Variants in LRIT3 observed in about 807,000 individuals in gnomAD.
LRIT3 encodes leucine rich repeat, Ig-like and transmembrane domains 3.
In LRIT3, 14 loss-of-function variants were observed where a neutral mutation model predicts 22.6. The observed-to-expected ratio is 0.62, with a 90% CI of 0.41 to 0.97. The LOEUF (loss-of-function observed/expected upper bound fraction) is 0.97. LRIT3 is among the 50% of genes least tolerant of loss of function. The probability of loss-of-function intolerance (pLI) is 0.00; values close to 1 mark genes in which losing one functional copy is unlikely to be tolerated. For synonymous variants in LRIT3, 306 were observed against 304.5 expected, an observed-to-expected ratio of 1.01 and a Z score of -0.05; for missense variants, 783 against 803.0, an observed-to-expected ratio of 0.98 and a Z score of 0.30.
At chr4:109,869,552 C>T (rs1579382555) in intron 3 of LRIT3, 93 bp from the exon 4 acceptor site, 2 of 1,197,972 alleles carry the variant, frequency 1.7e-6, no homozygotes, top group East Asian at 4.7e-5. Flanking sequence ...TGAGAGGATG[C>T]ATGTAGAGTG....
At chr4:109,855,914 T>A (rs1052220856) in intron 2 of LRIT3, among the ~76,000 whole-genome samples, 17 of 151,908 alleles carry the variant, frequency 1.1e-4, no homozygotes, top group Non-Finnish European at 2.4e-4. Flanking sequence ...ACAGTTTGTA[T>A]GCCTTCACCC....
In LRIT3 at chr4:109,870,109, G is replaced by C. The variant is rs1734790124; in HGVS notation, c.1360G>C (p.Val454Leu). Residue 454 changes from valine (V) to leucine (L), a missense_variant, in exon 4 of 4, where the codon GTG becomes CTG. Val to Leu is a conservative substitution (Grantham distance 32, BLOSUM62 1). Transcript: ENST00000594814. ...CCAAGGTGGGAAAAGAAATTTAAAG[G>C]TGGCAAAGAATGGAAGTAAGCTTCC... is the stretch of plus-strand genomic sequence containing the variant. ...LHQGGKRNLKVAKNGSKLPPA... is the reference protein window; with the variant it reads ...LHQGGKRNLKLAKNGSKLPPA... The C allele has an allele frequency of 6.2e-7, 1 of 1,614,054 alleles. No individual in the cohort carries two copies. The highest frequency in any genetic ancestry group is 1.3e-5 in the African/African-American group (1 of 74,916).
intron 2 of LRIT3, among the ~76,000 whole-genome samples, chr4:109,853,195 A>G (rs1734315249): frequency 6.6e-6 from 1 of 152,140 alleles, no homozygotes; most frequent in African/African-American, 2.4e-5. Context: ...TTATACTCCC[A>G]CCAACAGTGT....
rs1156756509 is a variant in LRIT3 at position 109,851,977 on chromosome 4, G to C, written c.589+1G>C. The C allele has an allele frequency of 6.5e-7, 1 of 1,535,936 alleles. No individual in the cohort carries two copies. Among genetic ancestry groups the C allele is most frequent in the South Asian group, 1.2e-5 (1 of 81,414 alleles). On this transcript the variant is annotated splice_donor_variant, in intron 2 of 3. Transcript: ENST00000594814. LOFTEE classifies it high-confidence loss of function. Reference sequence around the variant, plus strand: ...CTTTCCCCAAGCAGGATTATTCTTGGTAAGCTCGCAAGCCTCTGGGCTTTT... The same window carrying C: ...CTTTCCCCAAGCAGGATTATTCTTGCTAAGCTCGCAAGCCTCTGGGCTTTT...
At chr4:109,856,523 A>C (rs1441621638) in intron 2 of LRIT3, among the ~76,000 whole-genome samples, 1 of 152,210 alleles carries the variant, frequency 6.6e-6, no homozygotes, top group Admixed American at 6.5e-5. Flanking sequence ...AAAGAAGTTA[A>C]GTGTGCTTGA....
intron 1 of LRIT3, among the ~76,000 whole-genome samples, chr4:109,850,410 C>CTTT (rs1328726520): frequency 0.032 from 181 of 5,696 alleles, 18 homozygotes; most frequent in Non-Finnish European, 0.1. Context: ...TTCCTTCCTT[C>CTTT]CTTCCTTCCT....
chr4:109,848,400 A>G, intron 1 of LRIT3, 83 bp downstream of exon 1: 1 of 666,884 alleles, frequency 1.5e-6, no homozygotes, highest in Non-Finnish European at 2.1e-6. Flanking sequence ...TTGAAAGCAA[A>G]TGTTTGGGGA....
chr4:109,850,192 T>C (rs1344457237), intron 1 of LRIT3, among the ~76,000 whole-genome samples: 1 of 152,194 alleles, frequency 6.6e-6, no homozygotes, highest in African/African-American at 2.4e-5. Flanking sequence ...TTTACTAAAT[T>C]TATAGTGTGC....
intron 2 of LRIT3, among the ~76,000 whole-genome samples, chr4:109,862,444 A>G (rs997058267): frequency 2.6e-4 from 39 of 152,326 alleles, no homozygotes; most frequent in Middle Eastern, 3.4e-3. Context: ...ATTTTTATTC[A>G]GGTTTTAAAA....
At position 109,869,668 on chromosome 4, in the gene LRIT3, G is replaced by A. The variant is rs145061437; in HGVS notation, c.919G>A (p.Gly307Arg). The A allele has an allele frequency of 1.8e-4, 272 of 1,550,254 alleles. No homozygotes were observed. Among genetic ancestry groups the A allele is most frequent in the Non-Finnish European group, 2.3e-4 (264 of 1,148,928 alleles). The stretch of plus-strand genomic sequence containing the variant: ...AGTAATACAAGAATCTCCAGAGGAA[G>A]GAGTCAGATGGTCCATAATGAGCTT... ...YTVIQESPEEGVRWSIMSLTG... is the reference protein window; with the variant it reads ...YTVIQESPEERVRWSIMSLTG... Residue 307 changes from glycine to arginine, a missense_variant, in exon 4 of 4, where the codon GGA becomes AGA. Transcript: ENST00000594814.
At chr4:109,855,711 A>G (rs1361336274) in intron 2 of LRIT3, among the ~76,000 whole-genome samples, 1 of 152,172 alleles carries the variant, frequency 6.6e-6, no homozygotes, top group Non-Finnish European at 1.5e-5. Flanking sequence ...ACTGCTTTAA[A>G]TGTGTCCCAG....
chr4:109,857,479 T>C lies in LRIT3; in HGVS notation c.589+5503T>C, dbSNP rs1734431885. On this transcript the variant is annotated intron_variant, in intron 2 of 3. Coordinates refer to ENST00000594814, the MANE Select transcript of LRIT3 (RefSeq NM_198506.5). ...CAAGGTGGATTTACTTATAACCCTT[T>C]CTCCAGCCCAAACTCTCATACCAAT... 2.6e-5 allele frequency among the ~76,000 whole-genome samples: 4 copies of C among 152,200 alleles called. No homozygotes were observed. The South Asian group carries it at 8.3e-4, about 31-fold the overall frequency.
In LRIT3 at chr4:109,850,354, T is replaced by C. The variant is rs188080572; in HGVS notation, c.117-1150T>C. Among the ~76,000 whole-genome samples, 919 of 137,130 alleles carry C rather than the reference T, an allele frequency of 6.7e-3. 9 individuals carry two copies. Among genetic ancestry groups the C allele is most frequent in the South Asian group, 0.017 (70 of 4,014 alleles). 90.0% of individuals were successfully genotyped at this position (137,130 alleles called of 152,430 possible). A position where few individuals can be genotyped will look rare whatever the true frequency, so the allele number is the denominator to read the frequency against. On this transcript the variant is annotated intron_variant, in intron 1 of 3. Transcript: ENST00000594814. ...TAAATTTACACATGGGACAGTGTTG[T>C]CTTCCTTCCTTCCTTCCTTCCTTCC...
At chr4:109,868,900 A>C (rs6814789) in intron 3 of LRIT3, among the ~76,000 whole-genome samples, 89,657 of 151,932 alleles carry the variant, frequency 0.59, 26,923 homozygotes, top group Non-Finnish European at 0.65. Context: ...TAGTGAGTTA[A>C]GTTTTGGGCT....
intron 2 of LRIT3, among the ~76,000 whole-genome samples, chr4:109,865,884 TATAAA>T (rs2125900514): frequency 6.6e-6 from 1 of 152,186 alleles, no homozygotes; most frequent in Admixed American, 6.5e-5. Flanking sequence ...ATCATAGCAA[TATAAA>T]ATAAACTAGA....
intron 2 of LRIT3, among the ~76,000 whole-genome samples, chr4:109,856,312 A>G (rs954893016): frequency 6.6e-6 from 1 of 152,194 alleles, no homozygotes; most frequent in African/African-American, 2.4e-5. Context: ...TAAATGAACC[A>G]TAGCAATCAT....
At chr4:109,864,730 T>C (rs1734636597) in intron 2 of LRIT3, among the ~76,000 whole-genome samples, 1 of 152,198 alleles carries the variant, frequency 6.6e-6, no homozygotes. Flanking sequence ...GATTTCAGCC[T>C]TTGGAAGAGG....
chr4:109,866,939 A>G (rs1734695738), intron 2 of LRIT3, among the ~76,000 whole-genome samples: 1 of 152,162 alleles, frequency 6.6e-6, no homozygotes, highest in African/African-American at 2.4e-5. Context: ...GTCACCATAT[A>G]TGACATTCAT....
Position 109,870,243 on chromosome 4 carries a change from G to C in LRIT3, c.1494G>C (p.Glu498Asp), listed in dbSNP as rs1389943296. 6.2e-7 allele frequency: 1 copy of C among 1,614,232 alleles called. No homozygotes were observed. The highest frequency in any genetic ancestry group is 8.5e-7 in the Non-Finnish European group (1 of 1,180,040). ...ENLRVVSETK[E>D]SVTLTWNMIN... ...TCAGGGTGGTCAGTGAGACTAAAGA[G>C]AGTGTGACATTGACGTGGAATATGA... The change falls in exon 4 of 4, where the codon GAG becomes GAC. Residue 498 changes from glutamate (E) to aspartate (D), a missense_variant. By Grantham distance (45) the Glu-to-Asp change is conservative. Transcript: ENST00000594814.
Sources: gnomAD v4.1 joint callset for allele counts (sites outside exome capture counted in the v4.1 genomes callset) on GRCh38, gnomAD v4.1.1 for gene constraint, MANE v1.5 for transcripts, NCBI Gene and HGNC (gene_info 2026-07-23, HGNC 2026-07-21) for gene names.